ZC3H3: variants seen among roughly 807,000 people sequenced by gnomAD.
ZC3H3 encodes zinc finger CCCH domain-containing protein 3.
In ZC3H3, 36 loss-of-function variants were observed where a neutral mutation model predicts 77.3. The ratio of observed to expected loss-of-function variants is 0.47; its 90% CI spans 0.36 to 0.61. The LOEUF (loss-of-function observed/expected upper bound fraction) is 0.61. Ranked by LOEUF, ZC3H3 falls within the 20% of genes least tolerant of loss-of-function variation. ZC3H3 has a pLI of 0.00. For synonymous variants in ZC3H3, 626 were observed against 555.2 expected (o/e 1.13, Z -1.79); for missense variants, 1,331 against 1,312.2 (o/e 1.01, Z -0.22).
intron 4 of ZC3H3, among the ~76,000 whole-genome samples, chr8:143,491,941 A>G (rs4873799): frequency 0.22 from 33,428 of 152,128 alleles, 3,797 homozygotes; most frequent in Non-Finnish European, 0.25. Context: ...CCGTGTTTCT[A>G]GCAGCCCACC....
At chr8:143,454,041 A>C (rs772492462) in intron 9 of ZC3H3, among the ~76,000 whole-genome samples, 8 of 152,054 alleles carry the variant, frequency 5.3e-5, no homozygotes, top group Non-Finnish European at 1.0e-4. Context: ...AAAAATATTA[A>C]ATGGAAAATT....
chr8:143,443,284 CAAAA>C (rs34765299), intron 9 of ZC3H3, among the ~76,000 whole-genome samples: 1 of 61,958 alleles, frequency 1.6e-5, no homozygotes, highest in African/African-American at 5.9e-5. Flanking sequence ...GACCCTGTCT[CAAAA>C]AAAAAAAAAA....
intron 3 of ZC3H3, among the ~76,000 whole-genome samples, chr8:143,521,284 C>G (rs552008960): frequency 2.8e-4 from 43 of 152,332 alleles, no homozygotes; most frequent in African/African-American, 1.0e-3. Flanking sequence ...AAGATCCAGG[C>G]CGTGAAGGTG....
intron 9 of ZC3H3, among the ~76,000 whole-genome samples, chr8:143,457,375 T>C (rs570117900): frequency 2.0e-5 from 3 of 152,276 alleles, no homozygotes; most frequent in African/African-American, 4.8e-5. Context: ...ATGACTCTTA[T>C]GCCTTTTACT....
chr8:143,467,255 G>A (rs1348242538), intron 8 of ZC3H3, among the ~76,000 whole-genome samples: 1 of 152,112 alleles, frequency 6.6e-6, no homozygotes, highest in Admixed American at 6.5e-5. Context: ...TGTCAGAGCG[G>A]GGCTGTTATC....
At chr8:143,455,978 C>CAA (rs58754874) in intron 9 of ZC3H3, among the ~76,000 whole-genome samples, 751 of 40,082 alleles carry the variant, frequency 0.019, 40 homozygotes, top group Admixed American at 0.044. Context: ...GACTCTGTCT[C>CAA]AAAAAAAAAA....
chr8:143,481,376 C>T (rs1039797106), intron 4 of ZC3H3, among the ~76,000 whole-genome samples: 1 of 152,230 alleles, frequency 6.6e-6, no homozygotes, highest in Non-Finnish European at 1.5e-5. Flanking sequence ...CCATGCCAGC[C>T]TCGGTGACAT....
chr8:143,527,627 C>CT (rs1468290669), intron 3 of ZC3H3, among the ~76,000 whole-genome samples: 2 of 152,206 alleles, frequency 1.3e-5, no homozygotes, highest in Non-Finnish European at 2.9e-5. Context: ...TCAGCATTTT[C>CT]TTTTTCCCTT....
At chr8:143,509,165 C>G (rs1430446202) in intron 3 of ZC3H3, among the ~76,000 whole-genome samples, 1 of 152,236 alleles carries the variant, frequency 6.6e-6, no homozygotes, top group East Asian at 1.9e-4. Flanking sequence ...TTGGCCCCAA[C>G]ATGACATCAA....
At chr8:143,515,801 G>A (rs939904974) in intron 3 of ZC3H3, among the ~76,000 whole-genome samples, 4 of 152,218 alleles carry the variant, frequency 2.6e-5, no homozygotes, top group East Asian at 1.9e-4. Flanking sequence ...AGGAGCCTTC[G>A]CAGGTGCCTT....
intron 9 of ZC3H3, among the ~76,000 whole-genome samples, chr8:143,461,311 C>T (rs1472267655): frequency 3.9e-5 from 6 of 152,152 alleles, no homozygotes; most frequent in Admixed American, 2.6e-4. Flanking sequence ...GGATACGGCA[C>T]GCCACGCCCA....
intron 9 of ZC3H3, among the ~76,000 whole-genome samples, chr8:143,455,120 C>A (rs554023567): frequency 6.6e-6 from 1 of 152,018 alleles, no homozygotes; most frequent in South Asian, 2.1e-4. Flanking sequence ...TCGAGACCAC[C>A]CTGGCCAACA....
intron 1 of ZC3H3, among the ~76,000 whole-genome samples, chr8:143,540,968 G>T (rs568273311): frequency 6.6e-6 from 1 of 152,206 alleles, no homozygotes; most frequent in Non-Finnish European, 1.5e-5. Flanking sequence ...AAAAAACCGG[G>T]CGTCAAGGAA....
At chr8:143,463,787 A>C (rs370442256) in intron 9 of ZC3H3, among the ~76,000 whole-genome samples, 20 of 152,324 alleles carry the variant, frequency 1.3e-4, no homozygotes, top group African/African-American at 4.6e-4. Context: ...AGGTGTGTAC[A>C]AACAGGCAGT....
intron 3 of ZC3H3, 125 bp downstream of exon 3, chr8:143,536,111 CACCACCACCGTCTGCCAGGCA>C (rs1822786777): frequency 1.6e-5 from 16 of 1,015,422 alleles, no homozygotes; most frequent in Non-Finnish European, 2.2e-5. Context: ...TCTGCCAGCC[CACCACCACCGTCTGCCAGGCA>C]GTGCCCTCCC....
At chr8:143,482,270 A>C (rs1820927310) in intron 4 of ZC3H3, among the ~76,000 whole-genome samples, 1 of 152,262 alleles carries the variant, frequency 6.6e-6, no homozygotes, top group East Asian at 1.9e-4. Context: ...CCTGAGGCCA[A>C]GTGCAGATGT....
At position 143,467,316 on chromosome 8, in the gene ZC3H3, G is replaced by A. The variant is rs145279421; in HGVS notation, c.2175+893C>T. On this transcript the variant is annotated intron_variant, in intron 8 of 11. Coordinates refer to ENST00000262577, the MANE Select transcript of ZC3H3 (RefSeq NM_015117.3). ...ATTAACCTTGTTTGCACCCCGCCAC[G>A]TCCACACAAATAACAATAACATTAA... is the stretch of plus-strand genomic sequence containing the variant. 7.8e-3 allele frequency among the ~76,000 whole-genome samples: 1,189 copies of A among 152,260 alleles called. 15 individuals carry two copies. The highest frequency in any genetic ancestry group is 8.8e-3 in the Non-Finnish European group (599 of 68,016).
At chr8:143,496,999 G>A (rs778604937) in intron 4 of ZC3H3, among the ~76,000 whole-genome samples, 4 of 152,248 alleles carry the variant, frequency 2.6e-5, no homozygotes, top group East Asian at 1.9e-4. Context: ...ACCAGGCTCC[G>A]GGGGCACCAG....
At chr8:143,466,609 T>A (rs1220424033) in intron 8 of ZC3H3, among the ~76,000 whole-genome samples, 1 of 152,006 alleles carries the variant, frequency 6.6e-6, no homozygotes, top group Non-Finnish European at 1.5e-5. Context: ...TCTCTTGCCA[T>A]CTCCAGGAGA....
Sources: gnomAD v4.1 joint callset for allele counts (sites outside exome capture counted in the v4.1 genomes callset) on GRCh38, gnomAD v4.1.1 for gene constraint, MANE v1.5 for transcripts, NCBI Gene and HGNC (gene_info 2026-07-23, HGNC 2026-07-21) for gene names.